Variants in WIPF3 observed in about 807,000 individuals in gnomAD.
WIPF3 encodes the protein WAS/WASL interacting protein family member 3.
Under a neutral mutation model 38.9 loss-of-function variants are expected in WIPF3, and 33 were observed. The ratio of observed to expected loss-of-function variants is 0.85; its 90% CI spans 0.64 to 1.14. The LOEUF (loss-of-function observed/expected upper bound fraction) is 1.14. Ranked by LOEUF, WIPF3 falls within the 50% of genes most tolerant of loss-of-function variation. The probability of loss-of-function intolerance (pLI) is 0.00; values close to 1 mark genes in which losing one functional copy is unlikely to be tolerated. For missense variants in WIPF3, 711 were observed against 652.5 expected, an observed-to-expected ratio of 1.09 and a Z score of -0.98; for synonymous variants, 324 against 269.3, an observed-to-expected ratio of 1.20 and a Z score of -1.99.
intron 1 of WIPF3, among the ~76,000 whole-genome samples, chr7:29,821,865 C>G (rs542556375): frequency 6.4e-4 from 98 of 152,238 alleles, no homozygotes; most frequent in Middle Eastern, 3.4e-3. Flanking sequence ...TGGGCTTCTT[C>G]TAGTGTGTTC....
Position 29,834,678 on chromosome 7 carries a change from A to T in WIPF3, c.-47A>T. The T allele has an allele frequency of 7.2e-7, 1 of 1,394,446 alleles. No individual in the cohort carries two copies. Among genetic ancestry groups the T allele is most frequent in the African/African-American group, 1.5e-5 (1 of 65,980 alleles). 86.4% of individuals were successfully genotyped at this position (1,394,446 alleles called of 1,614,324 possible). A position where few individuals can be genotyped will look rare whatever the true frequency, so the allele number is the denominator to read the frequency against. On this transcript the variant is annotated 5_prime_UTR_variant, in exon 2 of 9. Coordinates refer to ENST00000242140, the MANE Select transcript of WIPF3 (RefSeq NM_001080529.3). ...TTTTCTCTTTTTCAGAGCAGAAGCC[A>T]CTCTCTTGGGACCATTCATAAGCAG... is the stretch of plus-strand genomic sequence containing the variant.
intron 2 of WIPF3, among the ~76,000 whole-genome samples, chr7:29,858,368 A>C (rs73686254): frequency 0.026 from 4,034 of 152,302 alleles, 148 homozygotes; most frequent in African/African-American, 0.082. Flanking sequence ...GAGACCCATC[A>C]GCACAAAAGA....
At chr7:29,891,975 G>T (rs554199330) in intron 7 of WIPF3, among the ~76,000 whole-genome samples, 12 of 152,310 alleles carry the variant, frequency 7.9e-5, no homozygotes, top group Admixed American at 6.5e-4. Context: ...AGAGCCCAAG[G>T]TGCCTGGCTA....
intron 4 of WIPF3, among the ~76,000 whole-genome samples, chr7:29,882,960 C>T (rs1019484880): frequency 2.0e-5 from 3 of 152,082 alleles, no homozygotes; most frequent in African/African-American, 7.2e-5. Flanking sequence ...CAGTAAACAA[C>T]GAGAGGAACT....
chr7:29,882,147 C>T (rs1413852570), intron 4 of WIPF3, among the ~76,000 whole-genome samples: 2 of 152,236 alleles, frequency 1.3e-5, no homozygotes, highest in African/African-American at 2.4e-5. Context: ...AACACAGGAT[C>T]CCCTACTTTT....
chr7:29,839,504 C>T (rs1025897330), intron 2 of WIPF3, among the ~76,000 whole-genome samples: 7 of 152,164 alleles, frequency 4.6e-5, no homozygotes, highest in African/African-American at 1.7e-4. Flanking sequence ...CAAGCCTCTG[C>T]TGGATACAAG....
At chr7:29,871,393 C>A (rs911369021) in intron 2 of WIPF3, among the ~76,000 whole-genome samples, 2 of 152,148 alleles carry the variant, frequency 1.3e-5, no homozygotes, top group Admixed American at 1.3e-4. Flanking sequence ...TGCCTGGAAA[C>A]CTGTGCACTA....
At chr7:29,883,724 G>T (rs929074324) in intron 4 of WIPF3, 126 bp from the exon 5 acceptor site, 3 of 1,327,878 alleles carry the variant, frequency 2.3e-6, no homozygotes, top group Admixed American at 3.5e-5. Flanking sequence ...CAGTGGACAC[G>T]TGCAGAAAAA....
intron 2 of WIPF3, among the ~76,000 whole-genome samples, chr7:29,843,017 G>T (rs899065503): frequency 1.3e-5 from 2 of 152,200 alleles, no homozygotes; most frequent in Non-Finnish European, 2.9e-5. Flanking sequence ...TTTGCATCAG[G>T]CCAAGCTGTT....
intron 7 of WIPF3, among the ~76,000 whole-genome samples, chr7:29,900,481 G>A (rs918415881): frequency 4.6e-5 from 7 of 152,156 alleles, no homozygotes; most frequent in Non-Finnish European, 1.0e-4. Context: ...GAGACTGAGC[G>A]GGCTCAGTTC....
In WIPF3 at chr7:29,853,436, G is replaced by A. The variant is rs183561760; in HGVS notation, c.90+18622G>A. ...GAAGAAACAGGCACAGTGAGCTCCAGTGCTTGCTCAGAGTCCACAGGACTC... is the reference window on the plus strand; with the variant it reads ...GAAGAAACAGGCACAGTGAGCTCCAATGCTTGCTCAGAGTCCACAGGACTC... On this transcript the variant is annotated intron_variant, in intron 2 of 8. Transcript: ENST00000242140. 1.5e-3 allele frequency among the ~76,000 whole-genome samples: 228 copies of A among 152,320 alleles called. 1 individual carries two copies. Among genetic ancestry groups the A allele is most frequent in the African/African-American group, 5.3e-3 (222 of 41,568 alleles).
intron 2 of WIPF3, among the ~76,000 whole-genome samples, chr7:29,850,093 T>C (rs1223444786): frequency 1.3e-5 from 2 of 152,216 alleles, no homozygotes; most frequent in African/African-American, 4.8e-5. Context: ...ACTATATCTG[T>C]TTACTAATAC....
intron 8 of WIPF3, among the ~76,000 whole-genome samples, chr7:29,912,866 G>A (rs1464464624): frequency 6.6e-6 from 1 of 152,188 alleles, no homozygotes; most frequent in Non-Finnish European, 1.5e-5. Flanking sequence ...AGTACTTACG[G>A]TAGTAGAAAC....
At chr7:29,912,129 A>G (rs1483354985) in intron 8 of WIPF3, among the ~76,000 whole-genome samples, 5 of 152,224 alleles carry the variant, frequency 3.3e-5, no homozygotes, top group African/African-American at 7.2e-5. Flanking sequence ...TTGAATAGAC[A>G]TTTCTCTAAA....
intron 1 of WIPF3, among the ~76,000 whole-genome samples, 157 bp downstream of exon 1, chr7:29,806,835 A>T (rs1272800102): frequency 3.3e-5 from 5 of 151,246 alleles, no homozygotes; most frequent in Non-Finnish European, 7.4e-5. Context: ...GCCGGGCTGC[A>T]GCCCCGGGCC....
intron 7 of WIPF3, among the ~76,000 whole-genome samples, chr7:29,901,642 A>G (rs1193428491): frequency 6.6e-6 from 1 of 151,080 alleles, no homozygotes; most frequent in Non-Finnish European, 1.5e-5. Context: ...TCATGTTTCT[A>G]TTTTTCTATT....
intron 7 of WIPF3, among the ~76,000 whole-genome samples, chr7:29,889,719 C>T (rs1785966330): frequency 6.6e-6 from 1 of 152,184 alleles, no homozygotes. Flanking sequence ...ACCCAGATAA[C>T]AGCAAAATAG....
chr7:29,820,746 C>T (rs1201538559), intron 1 of WIPF3, among the ~76,000 whole-genome samples: 1 of 152,164 alleles, frequency 6.6e-6, no homozygotes, highest in Non-Finnish European at 1.5e-5. Context: ...CAAAACTAAA[C>T]CTTTTAATAT....
At chr7:29,887,433 A>G (rs1384003719) in intron 5 of WIPF3, among the ~76,000 whole-genome samples, 1 of 152,224 alleles carries the variant, frequency 6.6e-6, no homozygotes, top group Non-Finnish European at 1.5e-5. Context: ...ACAGGAAAGT[A>G]TTGGCAAAGG....
Sources: allele counts gnomAD v4.1 joint callset (sites outside exome capture counted in the v4.1 genomes callset), GRCh38; gene constraint gnomAD v4.1.1; transcripts MANE v1.5; gene names NCBI Gene and HGNC (gene_info 2026-07-23, HGNC 2026-07-21).